SUPT3H: variants seen among roughly 807,000 people sequenced by gnomAD.
SUPT3H encodes the protein transcription initiation protein SPT3 homolog.
A neutral mutation model predicts 44.3 loss-of-function variants in SUPT3H; 44 were observed. The observed-to-expected ratio is 0.99, with a 90% CI of 0.78 to 1.28. The LOEUF (loss-of-function observed/expected upper bound fraction) is 1.28, where lower values mean the gene tolerates loss of function less well. Ranked by LOEUF, SUPT3H falls within the 50% of genes most tolerant of loss-of-function variation. The pLI, the probability that SUPT3H is intolerant of heterozygous loss-of-function variation, is 0.00. For missense variants in SUPT3H, 380 were observed against 387.1 expected (o/e 0.98, Z 0.15); for synonymous variants, 124 against 125.6 (o/e 0.99, Z 0.09).
At chr6:44,960,846 T>G (rs1775925854) in intron 7 of SUPT3H, among the ~76,000 whole-genome samples, 1 of 152,204 alleles carries the variant, frequency 6.6e-6, no homozygotes. Context: ...TTTCCTATAT[T>G]TTACTGACAT....
intron 2 of SUPT3H, among the ~76,000 whole-genome samples, chr6:45,134,018 T>C (rs1803885289): frequency 6.6e-6 from 1 of 152,218 alleles, no homozygotes; most frequent in Admixed American, 6.5e-5. Flanking sequence ...ATAAAGTTTG[T>C]TCCTGTCTTT....
intron 11 of SUPT3H, among the ~76,000 whole-genome samples, chr6:44,817,543 A>G (rs1766992506): frequency 3.9e-5 from 6 of 152,156 alleles, no homozygotes; most frequent in Admixed American, 2.6e-4. Flanking sequence ...TGTATTTGCA[A>G]ACAAAATGAT....
intron 7 of SUPT3H, among the ~76,000 whole-genome samples, chr6:44,958,042 C>T (rs1432562672): frequency 6.6e-6 from 1 of 152,120 alleles, no homozygotes; most frequent in Non-Finnish European, 1.5e-5. Context: ...AGAGGGGCCT[C>T]AGAATAAACA....
At chr6:44,928,909 A>AAAAAAAAAG (rs1491361687) in intron 10 of SUPT3H, among the ~76,000 whole-genome samples, 18 of 139,136 alleles carry the variant, frequency 1.3e-4, no homozygotes, top group African/African-American at 4.6e-4. Flanking sequence ...AAAAAAGAAA[A>AAAAAAAAAG]GAAAAGAAAC....
At chr6:45,075,129 C>A (rs1709345443) in intron 3 of SUPT3H, among the ~76,000 whole-genome samples, 1 of 152,158 alleles carries the variant, frequency 6.6e-6, no homozygotes, top group African/African-American at 2.4e-5. Context: ...TTAATATATT[C>A]CATATCTTTT....
intron 4 of SUPT3H, among the ~76,000 whole-genome samples, chr6:45,016,753 T>C (rs1462148086): frequency 2.0e-5 from 3 of 152,076 alleles, no homozygotes; most frequent in African/African-American, 7.2e-5. Flanking sequence ...TTGTTGGACA[T>C]TTGGGTTGGT....
chr6:45,372,462 A>T (rs1232305838), intron 1 of SUPT3H, among the ~76,000 whole-genome samples: 1 of 152,226 alleles, frequency 6.6e-6, no homozygotes, highest in Non-Finnish European at 1.5e-5. Flanking sequence ...AATATGAATA[A>T]AGTGAAATAT....
At chr6:45,280,592 C>T (rs2086144111) in intron 2 of SUPT3H, among the ~76,000 whole-genome samples, 1 of 152,126 alleles carries the variant, frequency 6.6e-6, no homozygotes, top group Non-Finnish European at 1.5e-5. Flanking sequence ...AAGGTTTATA[C>T]TTTGATTATC....
chr6:45,176,486 C>A (rs1220759253), intron 2 of SUPT3H, among the ~76,000 whole-genome samples: 2 of 150,876 alleles, frequency 1.3e-5, no homozygotes, highest in Non-Finnish European at 3.0e-5. Context: ...AAGGCGGCAG[C>A]GAGGCTGGGG....
chr6:45,071,470 G>GA (rs1794371763), intron 3 of SUPT3H, among the ~76,000 whole-genome samples: 1 of 152,044 alleles, frequency 6.6e-6, no homozygotes, highest in African/African-American at 2.4e-5. Flanking sequence ...GAGTCAAGGA[G>GA]AAAGAGTCAG....
At chr6:44,856,178 A>C (rs1033660896) in intron 10 of SUPT3H, among the ~76,000 whole-genome samples, 3 of 152,206 alleles carry the variant, frequency 2.0e-5, no homozygotes, top group South Asian at 2.1e-4. Flanking sequence ...CTTGCCAAAG[A>C]AGCAGGAAGG....
At chr6:45,110,250 C>T (rs747504081) in intron 2 of SUPT3H, among the ~76,000 whole-genome samples, 8 of 152,146 alleles carry the variant, frequency 5.3e-5, no homozygotes, top group African/African-American at 9.7e-5. Flanking sequence ...CTCTGCAATC[C>T]GCTTGACAGG....
intron 10 of SUPT3H, among the ~76,000 whole-genome samples, chr6:44,908,187 T>C (rs1766421116): frequency 6.7e-6 from 1 of 150,242 alleles, no homozygotes; most frequent in African/African-American, 2.4e-5. Context: ...AGTCTCGCTC[T>C]GTCACTCAGG....
intron 9 of SUPT3H, among the ~76,000 whole-genome samples, chr6:44,945,929 T>C (rs1309955271): frequency 6.6e-6 from 1 of 152,186 alleles, no homozygotes; most frequent in Admixed American, 6.6e-5. Context: ...GAGAAATCAA[T>C]GCCTGGCTTC....
At chr6:45,040,248 C>T (rs913395440) in intron 3 of SUPT3H, among the ~76,000 whole-genome samples, 1 of 152,152 alleles carries the variant, frequency 6.6e-6, no homozygotes, top group South Asian at 2.1e-4. Context: ...CAAAGGATGC[C>T]GTATTTGGCC....
chr6:45,349,722 T>C (rs1329443886), intron 2 of SUPT3H, among the ~76,000 whole-genome samples: 1 of 152,228 alleles, frequency 6.6e-6, no homozygotes, highest in Non-Finnish European at 1.5e-5. Context: ...TATTTCAATA[T>C]AGTCTCTAAA....
At position 44,932,772 on chromosome 6, in the gene SUPT3H, G is replaced by A. The variant is rs763341918; in HGVS notation, c.802-9C>T. On this transcript the variant is annotated splice_polypyrimidine_tract_variant and intron_variant, in intron 9 of 10. Coordinates refer to ENST00000371459, the MANE Select transcript of SUPT3H (RefSeq NM_003599.4). ...CCACAGGCTGCAGTGCTCTGCGACA[G>A]AAAAACACATAAATTGTTACTAAAT... is the stretch of plus-strand genomic sequence containing the variant. 6.4e-7 allele frequency: 1 copy of A among 1,566,604 alleles called. No individual in the cohort carries two copies. Among genetic ancestry groups the A allele is most frequent in the South Asian group, 1.2e-5 (1 of 85,980 alleles).
intron 1 of SUPT3H, among the ~76,000 whole-genome samples, chr6:45,367,047 G>C (rs766666038): frequency 6.6e-6 from 1 of 152,178 alleles, no homozygotes; most frequent in African/African-American, 2.4e-5. Flanking sequence ...TGGGCCCCAC[G>C]AAAGAAGGTT....
At chr6:45,335,719 AAAT>A (rs1407359044) in intron 2 of SUPT3H, among the ~76,000 whole-genome samples, 1 of 151,230 alleles carries the variant, frequency 6.6e-6, no homozygotes, top group Non-Finnish European at 1.5e-5. Context: ...CCCAATTCAA[AAAT>A]ATTAAGACAC....
Sources: gnomAD v4.1 joint callset for allele counts (sites outside exome capture counted in the v4.1 genomes callset) on GRCh38, gnomAD v4.1.1 for gene constraint, MANE v1.5 for transcripts, NCBI Gene and HGNC (gene_info 2026-07-23, HGNC 2026-07-21) for gene names.